Variants in KLHL14 observed in about 807,000 individuals in gnomAD.
The protein encoded by KLHL14 is kelch-like protein 14.
Under a neutral mutation model 64.3 loss-of-function variants are expected in KLHL14, and 22 were observed. That is an observed-to-expected ratio of 0.34 (90% CI 0.24 to 0.49). The LOEUF (loss-of-function observed/expected upper bound fraction) is 0.49. KLHL14 is among the 20% of genes least tolerant of loss of function. KLHL14 has a pLI of 0.99. For synonymous variants in KLHL14, 322 were observed against 333.4 expected (o/e 0.97, Z 0.37); for missense variants, 661 against 789.0 (o/e 0.84, Z 1.94).
At chr18:32,724,030 G>T (rs116235368) in intron 3 of KLHL14, among the ~76,000 whole-genome samples, 1 of 151,998 alleles carries the variant, frequency 6.6e-6, no homozygotes, top group African/African-American at 2.4e-5. Context: ...AATAAATCCA[G>T]TTGGAAAAAA....
chr18:32,771,730 A>C (rs531181298), intron 1 of KLHL14, among the ~76,000 whole-genome samples: 1 of 143,886 alleles, frequency 6.9e-6, no homozygotes, highest in Non-Finnish European at 1.5e-5. Context: ...AGTCGCTTTA[A>C]CTCCAGTAAC....
chr18:32,687,263 C>CTTTTGTT lies in KLHL14; in HGVS notation c.1160-31_1160-30insAACAAAA. 3 of 1,556,882 alleles carry CTTTTGTT rather than the reference C, an allele frequency of 1.9e-6. No individual in the cohort carries two copies. The South Asian group carries it at 3.3e-5, about 17-fold the overall frequency. On this transcript the variant is annotated intron_variant, in intron 4 of 8. Coordinates refer to ENST00000359358, the MANE Select transcript of KLHL14 (RefSeq NM_020805.3). ...AAAAATGCATTCGAGACATTTAAAA[C>CTTTTGTT]TTAGATTCTTTTGTTGATTTGCACA...
At chr18:32,678,887 C>T (rs1458428424) in intron 7 of KLHL14, among the ~76,000 whole-genome samples, 1 of 152,140 alleles carries the variant, frequency 6.6e-6, no homozygotes, top group Non-Finnish European at 1.5e-5. Flanking sequence ...TCTGTCCAAA[C>T]CTAACCTTAA....
intron 2 of KLHL14, among the ~76,000 whole-genome samples, chr18:32,759,954 C>T (rs543444396): frequency 1.3e-5 from 2 of 152,246 alleles, no homozygotes; most frequent in South Asian, 2.1e-4. Flanking sequence ...CTAGTGTACA[C>T]CTGATAGCAT....
In KLHL14 at chr18:32,674,681, G is replaced by C; in HGVS notation, c.1863C>G (p.Pro621=). The change falls in exon 9 of 9, where the codon CCC becomes CCG. Residue 621 remains proline, a synonymous_variant. Coordinates refer to ENST00000359358, the MANE Select transcript of KLHL14 (RefSeq NM_020805.3). The part of the protein sequence containing the change: ...AGPACVTVIL[P]SCVPYNK Reference sequence around the variant, plus strand: ...GTTATTTGTTGTATGGTACACAAGAGGGCAGAATAACTGTCACACAGGCAG... The same window carrying C: ...GTTATTTGTTGTATGGTACACAAGACGGCAGAATAACTGTCACACAGGCAG... 1 of 780,866 alleles carries C rather than the reference G, an allele frequency of 1.3e-6. No individual in the cohort carries two copies. Among genetic ancestry groups the C allele is most frequent in the South Asian group, 1.3e-5 (1 of 74,608 alleles). 48.4% of individuals were successfully genotyped at this position (780,866 alleles called of 1,614,324 possible).
intron 3 of KLHL14, among the ~76,000 whole-genome samples, chr18:32,702,625 C>A (rs1030869858): frequency 6.6e-6 from 1 of 151,656 alleles, no homozygotes; most frequent in African/African-American, 2.4e-5. Flanking sequence ...TACTTTTTTT[C>A]TGTTATATTT....
At chr18:32,697,261 C>G (rs1401512312) in intron 3 of KLHL14, among the ~76,000 whole-genome samples, 1 of 152,186 alleles carries the variant, frequency 6.6e-6, no homozygotes, top group African/African-American at 2.4e-5. Flanking sequence ...AGGTTTTCTT[C>G]CCTTTAATTA....
intron 2 of KLHL14, among the ~76,000 whole-genome samples, chr18:32,748,329 A>AATTTTTGTATTTTGT (rs569715634): frequency 1.3e-5 from 2 of 150,372 alleles, no homozygotes; most frequent in Non-Finnish European, 3.0e-5. Context: ...ATTTCCGGCT[A>AATTTTTGTATTTTGT]ATTTTTGTAT....
intron 3 of KLHL14, among the ~76,000 whole-genome samples, chr18:32,722,032 A>C (rs2050082359): frequency 6.6e-6 from 1 of 152,150 alleles, no homozygotes; most frequent in Non-Finnish European, 1.5e-5. Context: ...GTGATAGTGA[A>C]TAAGTCTCAT....
chr18:32,739,642 GCACACACA>G (rs61442102), intron 3 of KLHL14, among the ~76,000 whole-genome samples: 69 of 147,294 alleles, frequency 4.7e-4, no homozygotes, highest in African/African-American at 1.2e-3. Flanking sequence ...TAAGAACTTT[GCACACACA>G]CACACACACA....
rs569631172 is a variant in KLHL14 at position 32,673,591 on chromosome 18, C to T, written c.*1066G>A. 1 of 152,286 alleles carries T rather than the reference C, an allele frequency of 6.6e-6. No homozygotes were observed. Among genetic ancestry groups the T allele is most frequent in the East Asian group, 1.9e-4 (1 of 5,176 alleles). 9.4% of individuals were successfully genotyped at this position (152,286 alleles called of 1,614,324 possible). ...GGAATAACGATCGTAAGTCAAGTGT[C>T]TAGAGGCACCCGAAGGTGAGGAAGA... On this transcript the variant is annotated 3_prime_UTR_variant, in exon 9 of 9. Coordinates refer to ENST00000359358, the MANE Select transcript of KLHL14 (RefSeq NM_020805.3).
intron 3 of KLHL14, among the ~76,000 whole-genome samples, chr18:32,725,020 C>CTTTT (rs33924704): frequency 6.8e-6 from 1 of 146,180 alleles, no homozygotes; most frequent in Non-Finnish European, 1.5e-5. Context: ...CCTCCCTTCC[C>CTTTT]TTTTTTTTTT....
intron 7 of KLHL14, among the ~76,000 whole-genome samples, chr18:32,678,570 G>C (rs919923395): frequency 6.6e-6 from 1 of 152,038 alleles, no homozygotes; most frequent in Non-Finnish European, 1.5e-5. Context: ...TGAGCACTTG[G>C]GCAAATTCCA....
intron 7 of KLHL14, among the ~76,000 whole-genome samples, chr18:32,677,656 A>G (rs2049818232): frequency 6.6e-6 from 1 of 152,204 alleles, no homozygotes; most frequent in African/African-American, 2.4e-5. Flanking sequence ...TTAAGCAAGC[A>G]TTGTACAAGG....
At chr18:32,690,023 G>A (rs578188545) in intron 4 of KLHL14, among the ~76,000 whole-genome samples, 9 of 152,098 alleles carry the variant, frequency 5.9e-5, no homozygotes, top group African/African-American at 2.2e-4. Context: ...GCTACTCAGG[G>A]GCAGGGGAAG....
At chr18:32,674,967 A>C (rs1386971259) in intron 8 of KLHL14, among the ~76,000 whole-genome samples, 170 bp from the exon 9 acceptor site, 3 of 152,160 alleles carry the variant, frequency 2.0e-5, no homozygotes, top group African/African-American at 7.2e-5. Flanking sequence ...CCAAAGAAAA[A>C]GCTAAGATTG....
chr18:32,710,518 C>T (rs1348544556), intron 3 of KLHL14, among the ~76,000 whole-genome samples: 2 of 152,122 alleles, frequency 1.3e-5, no homozygotes, highest in East Asian at 3.9e-4. Flanking sequence ...TTTTAACTAA[C>T]TTATATCAGA....
At chr18:32,700,311 T>C (rs972837933) in intron 3 of KLHL14, among the ~76,000 whole-genome samples, 3 of 152,134 alleles carry the variant, frequency 2.0e-5, no homozygotes, top group African/African-American at 7.2e-5. Context: ...CTTGCAAAAC[T>C]GTCAGATATA....
In KLHL14 at chr18:32,680,553, T is replaced by G. The variant is rs1395430973; in HGVS notation, c.1285A>C (p.Ile429Leu). The G allele has an allele frequency of 6.2e-7, 1 of 1,613,472 alleles. No homozygotes were observed. Among genetic ancestry groups the G allele is most frequent in the Non-Finnish European group, 8.5e-7 (1 of 1,179,788 alleles). ...ACRLDKHLYV[I>L]GGRNETGYLS... ...TAGCCAGTTTCATTCCTTCCACCAA[T>G]TACGTATAAATGCTTGTCCAACCGA... Residue 429 changes from isoleucine to leucine, a missense_variant, in exon 6 of 9, where the codon ATT becomes CTT. Around this residue, in one of 2 missense-constraint regions of KLHL14, gnomAD observed 330 missense variants for 450.0 expected, o/e 0.73. Coordinates refer to ENST00000359358, the MANE Select transcript of KLHL14 (RefSeq NM_020805.3). This position sits in a 1 kb window ranked among gnomAD's most constrained non-coding sequence, Gnocchi z 4.8.
Sources: gnomAD v4.1 joint callset for allele counts (sites outside exome capture counted in the v4.1 genomes callset) on GRCh38, gnomAD v4.1.1 for gene constraint, gnomAD v4.1.1 regional missense constraint, Gnocchi (gnomAD v3.1) non-coding constraint, MANE v1.5 for transcripts, NCBI Gene and HGNC (gene_info 2026-07-23, HGNC 2026-07-21) for gene names.